The following DGKH variants were observed in gnomAD, a reference collection of about 807,000 sequenced individuals.
DGKH encodes DAG kinase eta.
Under a neutral mutation model 159.3 loss-of-function variants are expected in DGKH, and 90 were observed. The ratio of observed to expected loss-of-function variants is 0.57; its 90% CI spans 0.48 to 0.67. The LOEUF is 0.67. Among genes scored for constraint, DGKH ranks in the 30% least tolerant of loss-of-function variants. DGKH has a pLI of 0.00. For synonymous variants in DGKH, 536 were observed against 553.8 expected (o/e 0.97, Z 0.45); for missense variants, 1,181 against 1,506.1 (o/e 0.78, Z 3.57).
intron 21 of DGKH, among the ~76,000 whole-genome samples, chr13:42,207,799 G>A (rs1381524488): frequency 6.6e-6 from 1 of 151,034 alleles, no homozygotes; most frequent in Non-Finnish European, 1.5e-5. Flanking sequence ...ATGATATAAT[G>A]GTTCCTACTG....
chr13:42,186,821 ATAATT>A (rs1566170648), intron 13 of DGKH, among the ~76,000 whole-genome samples: 1 of 152,226 alleles, frequency 6.6e-6, no homozygotes, highest in Non-Finnish European at 1.5e-5. Flanking sequence ...ATTAATTACT[ATAATT>A]TAAGTAATAT....
rs1957969822 is a variant in DGKH, at chr13:42,221,397, A to G, written c.3573+3A>G. The stretch of plus-strand genomic sequence containing the variant: ...ATCTGGAAAGGCGAGATCTTAAGGT[A>G]TTTCCTTTGTGCTCTTCTGTTCTTG... On this transcript the variant is annotated splice_donor_region_variant and intron_variant, in intron 29 of 29. Transcript: ENST00000337343. 1 of 1,613,168 alleles carries G rather than the reference A, an allele frequency of 6.2e-7. No individual in the cohort carries two copies. Among genetic ancestry groups the G allele is most frequent in the African/African-American group, 1.3e-5 (1 of 74,992 alleles).
rs560742148 is a variant in DGKH at position 42,170,761 on chromosome 13, G to A, written c.1367+1943G>A. ...AGTTCGAGACCAGCCTGGCCAACAC[G>A]GTGAAACCCCGTCTCTACTAAAAAT... On this transcript the variant is annotated intron_variant, in intron 11 of 29. Coordinates refer to ENST00000337343, the MANE Select transcript of DGKH (RefSeq NM_178009.5). Among the ~76,000 whole-genome samples the A allele has an allele frequency of 7.9e-5, 12 of 152,164 alleles. No homozygotes were observed. The East Asian group carries it at 2.3e-3, about 29-fold the overall frequency.
chr13:42,114,339 G>C (rs752924293), intron 1 of DGKH, among the ~76,000 whole-genome samples: 1 of 152,140 alleles, frequency 6.6e-6, no homozygotes, highest in Non-Finnish European at 1.5e-5. Context: ...CTAAAGATAG[G>C]CTTCTGTGCA....
intron 7 of DGKH, among the ~76,000 whole-genome samples, chr13:42,163,785 G>A (rs553421123): frequency 4.0e-5 from 6 of 151,306 alleles, no homozygotes; most frequent in Admixed American, 3.9e-4. Context: ...TGAGTAGGTT[G>A]CGAAAATTTT....
intron 26 of DGKH, among the ~76,000 whole-genome samples, 171 bp from the exon 27 acceptor site, chr13:42,219,059 A>T (rs994800731): frequency 3.9e-5 from 6 of 152,232 alleles, no homozygotes; most frequent in South Asian, 2.1e-4. Context: ...AGATTTTTTA[A>T]AAATGAAATC....
At position 42,178,195 on chromosome 13, in the gene DGKH, C is replaced by T; in HGVS notation, c.1513C>T (p.His505Tyr). The T allele has an allele frequency of 6.2e-7, 1 of 1,601,366 alleles. No individual in the cohort carries two copies. Among genetic ancestry groups the T allele is most frequent in the East Asian group, 2.2e-5 (1 of 44,734 alleles). ...HLTKILNSDE[H>Y]AVVISSAKTL... ...TACAAAAATCCTCAATTCTGATGAA[C>T]ATGCAGTGGTCATATCTTCTGCCAA... The change falls in exon 13 of 30, where the codon CAT becomes TAT. Residue 505 changes from histidine to tyrosine, a missense_variant. By Grantham distance (83) the His-to-Tyr change is moderately conservative. Around this residue, in one of 5 missense-constraint regions of DGKH, gnomAD observed 369 missense variants for 519.4 expected, o/e 0.71. Transcript: ENST00000337343.
intron 1 of DGKH, among the ~76,000 whole-genome samples, chr13:42,050,906 G>A (rs1460753971): frequency 6.6e-6 from 1 of 152,206 alleles, no homozygotes; most frequent in East Asian, 1.9e-4. Flanking sequence ...ATATTTATAT[G>A]AAATGGTCAA....
intron 1 of DGKH, among the ~76,000 whole-genome samples, chr13:42,079,062 C>T (rs1454654599): frequency 6.6e-6 from 1 of 151,726 alleles, no homozygotes; most frequent in Non-Finnish European, 1.5e-5. Context: ...CAGGCACCCA[C>T]CATCACACCC....
At chr13:42,078,685 TA>T (rs973931766) in intron 1 of DGKH, among the ~76,000 whole-genome samples, 1 of 152,022 alleles carries the variant, frequency 6.6e-6, no homozygotes, top group Non-Finnish European at 1.5e-5. Context: ...CTGAAAACTC[TA>T]AAAAAACCTT....
intron 1 of DGKH, among the ~76,000 whole-genome samples, chr13:42,057,751 A>G (rs978734716): frequency 5.9e-5 from 9 of 152,300 alleles, no homozygotes; most frequent in African/African-American, 2.2e-4. Flanking sequence ...ATGCAAGGAG[A>G]ATTTATGAAC....
chr13:42,102,087 G>A (rs1954662560), intron 1 of DGKH, among the ~76,000 whole-genome samples: 2 of 152,212 alleles, frequency 1.3e-5, no homozygotes, highest in African/African-American at 4.8e-5. Context: ...AGAGATCAAG[G>A]CCGGGGCTGG....
chr13:42,246,837 T>G (rs140610119), downstream of DGKH, among the ~76,000 whole-genome samples: 267 of 152,240 alleles, frequency 1.8e-3, 1 homozygote, highest in African/African-American at 6.2e-3. Flanking sequence ...GTTTCAAGCT[T>G]TTTTTGACTG....
At chr13:42,092,561 A>AG (rs903409152) in intron 1 of DGKH, among the ~76,000 whole-genome samples, 2 of 152,190 alleles carry the variant, frequency 1.3e-5, no homozygotes, top group Non-Finnish European at 2.9e-5. Context: ...TTATTGAGAT[A>AG]GAGAGTGGAA....
intron 3 of DGKH, 84 bp from the exon 4 acceptor site, chr13:42,155,207 G>A: frequency 1.0e-6 from 1 of 994,108 alleles, no homozygotes; most frequent in Non-Finnish European, 1.5e-6. Flanking sequence ...AGTTAGAAAT[G>A]GAATTACCTC....
chr13:42,217,667 A>C (rs1957835062), intron 26 of DGKH, among the ~76,000 whole-genome samples: 1 of 152,222 alleles, frequency 6.6e-6, no homozygotes, highest in African/African-American at 2.4e-5. Context: ...AAAATTCTAT[A>C]AACATATTTA....
chr13:42,156,320 G>T (rs1169110840), intron 5 of DGKH, among the ~76,000 whole-genome samples: 3 of 152,068 alleles, frequency 2.0e-5, no homozygotes, highest in Admixed American at 2.0e-4. Context: ...AAGTCTCCCT[G>T]CAGCCTCAGC....
rs1481732840 is a variant in DGKH, at chr13:42,103,795, GAGA to G, written c.193-23665_193-23663del. Among the ~76,000 whole-genome samples the G allele has an allele frequency of 2.6e-5, 4 of 152,334 alleles. No homozygotes were observed. The South Asian group carries it at 6.2e-4, about 24-fold the overall frequency. On this transcript the variant is annotated intron_variant, in intron 1 of 29. Transcript: ENST00000337343. Reference sequence around the variant, plus strand: ...GCATTCCCTAAGCACATGACTTGGAGAGAAGGAGTGGATACCTAAACCAAATCA... The same window carrying G: ...GCATTCCCTAAGCACATGACTTGGAGAGGAGTGGATACCTAAACCAAATCA...
chr13:42,127,420 A>T, intron 1 of DGKH, 43 bp from the exon 2 acceptor site: 2 of 1,444,822 alleles, frequency 1.4e-6, no homozygotes, highest in Admixed American at 1.8e-5. Context: ...TTTGGTTTTG[A>T]ATTTCATTTT....
Sources: allele counts gnomAD v4.1 joint callset (sites outside exome capture counted in the v4.1 genomes callset), GRCh38; gene constraint gnomAD v4.1.1; regional missense constraint gnomAD v4.1.1; transcripts MANE v1.5; gene names NCBI Gene and HGNC (gene_info 2026-07-23, HGNC 2026-07-21).